The following DCTN2 variants were observed in gnomAD, a reference collection of about 807,000 sequenced individuals.
The protein encoded by DCTN2 is 50 kDa dynein-associated polypeptide.
A neutral mutation model predicts 55.4 loss-of-function variants in DCTN2; 18 were observed. The ratio of observed to expected loss-of-function variants is 0.32; its 90% CI spans 0.22 to 0.48. The LOEUF (loss-of-function observed/expected upper bound fraction) is 0.48. Among genes scored for constraint, DCTN2 ranks in the 20% least tolerant of loss-of-function variants. The pLI is 0.99. For missense variants in DCTN2, 390 were observed against 491.0 expected (o/e 0.79, Z 1.94); for synonymous variants, 168 against 185.2 (o/e 0.91, Z 0.76).
At chr12:57,532,506 G>C (rs1328961165) in intron 11 of DCTN2, 66 bp downstream of exon 11, 3 of 1,547,080 alleles carry the variant, frequency 1.9e-6, no homozygotes, top group African/African-American at 1.4e-5. Flanking sequence ...GTGTTCTCAT[G>C]CTTTGACACT....
chr12:57,538,257 C>T (rs552878040), intron 2 of DCTN2: 47 of 572,412 alleles, frequency 8.2e-5, no homozygotes, highest in African/African-American at 5.0e-4. Context: ...GGCTACCTGG[C>T]GCTGGCATCC....
intron 2 of DCTN2, chr12:57,542,784 A>G (rs921961871): frequency 2.6e-5 from 12 of 455,666 alleles, no homozygotes; most frequent in African/African-American, 2.4e-4. Context: ...GTGCCACTGC[A>G]CTCCAGCCTG....
At chr12:57,542,978 C>A (rs750231303) in intron 2 of DCTN2, 5 of 455,976 alleles carry the variant, frequency 1.1e-5, no homozygotes, top group South Asian at 7.7e-5. Flanking sequence ...GCATACATTA[C>A]CTACTTTAAA....
intron 7 of DCTN2, 30 bp from the exon 8 acceptor site, chr12:57,533,333 A>G (rs1238287904): frequency 1.2e-6 from 2 of 1,607,424 alleles, no homozygotes; most frequent in Non-Finnish European, 1.7e-6. Context: ...GAGATTTGCC[A>G]TCTGCTTCCC....
rs992877895 is a variant in DCTN2, at chr12:57,532,402, A to C, written c.925-87T>G. The C allele has an allele frequency of 2.2e-6, 3 of 1,377,208 alleles. No homozygotes were observed. The African/African-American group carries it at 4.3e-5, about 20-fold the overall frequency. The allele number at this position is 1,377,208 out of a possible 1,614,324, so 85.3% of individuals were successfully genotyped here. ...CTGCTATTTCACCGTAATGGGGGAA[A>C]GGATCAAGTGGGCAGAGGGAAGCAG... On this transcript the variant is annotated intron_variant, in intron 11 of 13. Transcript: ENST00000548249.
chr12:57,534,453 C>G lies in DCTN2; in HGVS notation c.364-1G>C, dbSNP rs1880049343. 6.3e-7 allele frequency: 1 copy of G among 1,575,554 alleles called. No homozygotes were observed. On this transcript the variant is annotated splice_acceptor_variant, in intron 5 of 13. Coordinates refer to ENST00000548249, the MANE Select transcript of DCTN2 (RefSeq NM_001261413.2). LOFTEE classifies it high-confidence loss of function. The stretch of plus-strand genomic sequence containing the variant: ...CTGTGGCTGACTCCTTCACTGTCGT[C>G]TAGTATGAAAAAAGGTAGAAATCGG...
At chr12:57,537,669 C>T (rs1465421834) in intron 2 of DCTN2, among the ~76,000 whole-genome samples, 1 of 152,128 alleles carries the variant, frequency 6.6e-6, no homozygotes, top group Non-Finnish European at 1.5e-5. Context: ...TGATCTTTAC[C>T]TCTTCCTCAG....
At chr12:57,537,849 A>G (rs926803961) in intron 2 of DCTN2, among the ~76,000 whole-genome samples, 90 of 152,282 alleles carry the variant, frequency 5.9e-4, no homozygotes, top group African/African-American at 1.9e-3. Flanking sequence ...TAGCTGTGTG[A>G]TCTCTGGCCT....
chr12:57,543,929 G>T, intron 2 of DCTN2: 2 of 758,482 alleles, frequency 2.6e-6, no homozygotes, highest in Non-Finnish European at 4.0e-6. Context: ...GCCAATCAGA[G>T]CTGCACAGTC....
intron 2 of DCTN2, among the ~76,000 whole-genome samples, chr12:57,536,614 CCT>C (rs1880255096): frequency 1.3e-5 from 2 of 152,128 alleles, no homozygotes; most frequent in Admixed American, 6.5e-5. Context: ...GATTTTTCTC[CCT>C]GACTCCTCTG....
chr12:57,532,740 C>A lies in DCTN2; in HGVS notation c.845G>T (p.Arg282Leu). The change falls in exon 10 of 14, where the codon CGG becomes CTG. Residue 282 changes from arginine (R) to leucine (L), a missense_variant. Coordinates refer to ENST00000548249, the MANE Select transcript of DCTN2 (RefSeq NM_001261413.2). ...TTTCCCTCCATTTAATACCTGTAGC[C>A]GAGCCTCCACTTGATCCAAAACTGC... The part of the protein sequence containing the change: ...DLAVLDQVEA[R>L]LQSVLGKVNE... 6.2e-7 allele frequency: 1 copy of A among 1,613,850 alleles called. No individual in the cohort carries two copies. Among genetic ancestry groups the A allele is most frequent in the Non-Finnish European group, 8.5e-7 (1 of 1,179,886 alleles).
chr12:57,534,670 C>T (rs1030899943), intron 5 of DCTN2: 8 of 508,860 alleles, frequency 1.6e-5, no homozygotes, highest in African/African-American at 4.0e-5. Flanking sequence ...AGGAATCTTT[C>T]TTTCTTTCAT....
At chr12:57,538,720 G>A (rs1017038558) in intron 2 of DCTN2, among the ~76,000 whole-genome samples, 11 of 152,216 alleles carry the variant, frequency 7.2e-5, no homozygotes, top group African/African-American at 2.7e-4. Flanking sequence ...AGAAATTTCA[G>A]CTGGGGTCAC....
Position 57,538,621 on chromosome 12 carries a change from A to G in DCTN2, c.106-2776T>C. 3 of 698,064 alleles carry G rather than the reference A, an allele frequency of 4.3e-6. No individual in the cohort carries two copies. In the South Asian group the frequency reaches 4.5e-5, roughly 10 times the overall value. The allele number at this position is 698,064 out of a possible 1,614,324, so 43.2% of individuals were successfully genotyped here. ...GAGGGAAAAAAAAGACAAAATTGTTATTAGCAAATTGTCACATGCACTACA... is the reference window on the plus strand; with the variant it reads ...GAGGGAAAAAAAAGACAAAATTGTTGTTAGCAAATTGTCACATGCACTACA... On this transcript the variant is annotated intron_variant, in intron 2 of 13. Coordinates refer to ENST00000548249, the MANE Select transcript of DCTN2 (RefSeq NM_001261413.2).
At chr12:57,544,092 T>G (rs1880933568) in intron 2 of DCTN2, 1 of 446,796 alleles carries the variant, frequency 2.2e-6, no homozygotes, top group Non-Finnish European at 4.5e-6. Flanking sequence ...AGGACTGAGT[T>G]CTATTCATTA....
At chr12:57,532,846 G>GA (rs780335968) in intron 9 of DCTN2, 36 bp from the exon 10 acceptor site, 5 of 1,612,676 alleles carry the variant, frequency 3.1e-6, no homozygotes, top group Non-Finnish European at 4.2e-6. Flanking sequence ...TCATGAAGAG[G>GA]AAAGGCAGAC....
chr12:57,530,570 C>T lies in DCTN2; in HGVS notation c.*119G>A, dbSNP rs1167167974. The T allele has an allele frequency of 1.2e-6, 1 of 853,248 alleles. No individual in the cohort carries two copies. Among genetic ancestry groups the T allele is most frequent in the Non-Finnish European group, 1.9e-6 (1 of 535,844 alleles). The allele number at this position is 853,248 out of a possible 1,614,324, so 52.9% of individuals were successfully genotyped here. A position where few individuals can be genotyped will look rare whatever the true frequency, so the allele number is the denominator to read the frequency against. ...ACCCCACATGCAAGAAGAACCCTTGCCCCCAGTGTCAAATGGGATGGGGAT... is the reference window on the plus strand; with the variant it reads ...ACCCCACATGCAAGAAGAACCCTTGTCCCCAGTGTCAAATGGGATGGGGAT... On this transcript the variant is annotated 3_prime_UTR_variant, in exon 14 of 14. Transcript: ENST00000548249.
At chr12:57,531,523 A>G (rs1879709568) in intron 13 of DCTN2, among the ~76,000 whole-genome samples, 1 of 152,186 alleles carries the variant, frequency 6.6e-6, no homozygotes, top group Admixed American at 6.5e-5. Flanking sequence ...TCTTAAAAAT[A>G]AAAAACAATA....
At position 57,534,445 on chromosome 12, in the gene DCTN2, A is replaced by G. The variant is rs187354523; in HGVS notation, c.371T>C (p.Val124Ala). The G allele has an allele frequency of 4.5e-5, 71 of 1,590,988 alleles. No homozygotes were observed. The highest frequency in any genetic ancestry group is 2.5e-4 in the Admixed American group (14 of 56,192). ...TTEVEKIKTT[V>A]KESATEEKLT... ...CTTCTCCTCTGTGGCTGACTCCTTCACTGTCGTCTAGTATGAAAAAAGGTA... is the reference window on the plus strand; with the variant it reads ...CTTCTCCTCTGTGGCTGACTCCTTCGCTGTCGTCTAGTATGAAAAAAGGTA... Residue 124 changes from valine to alanine, a missense_variant, in exon 6 of 14, where the codon GTG becomes GCG. By Grantham distance (64) the Val-to-Ala change is moderately conservative. Transcript: ENST00000548249.
Sources: allele counts gnomAD v4.1 joint callset (sites outside exome capture counted in the v4.1 genomes callset), GRCh38; gene constraint gnomAD v4.1.1; transcripts MANE v1.5; gene names NCBI Gene and HGNC (gene_info 2026-07-23, HGNC 2026-07-21).